The following SCP2 variants were observed in gnomAD, a reference collection of about 807,000 sequenced individuals.
SCP2 encodes sterol carrier protein 2.
A neutral mutation model predicts 71.4 loss-of-function variants in SCP2; 48 were observed. The observed-to-expected ratio is 0.67, with a 90% CI of 0.53 to 0.86. The LOEUF is 0.86. Ranked by LOEUF, SCP2 falls within the 40% of genes least tolerant of loss-of-function variation. The pLI is 0.00. For missense variants in SCP2, 560 were observed against 655.6 expected (o/e 0.85, Z 1.59); for synonymous variants, 220 against 218.1 (o/e 1.01, Z -0.08).
chr1:53,034,050 G>A (rs1662744751), intron 13 of SCP2, among the ~76,000 whole-genome samples: 1 of 152,132 alleles, frequency 6.6e-6, no homozygotes, highest in South Asian at 2.1e-4. Context: ...GATCACTCGA[G>A]GTCAGGAGTT....
intron 11 of SCP2, among the ~76,000 whole-genome samples, chr1:53,013,510 G>A (rs996526996): frequency 2.0e-5 from 3 of 151,378 alleles, no homozygotes; most frequent in Admixed American, 6.6e-5. Context: ...CAGGAGAATC[G>A]CTGGAACCTG....
At chr1:52,996,148 C>T (rs1358096440) in intron 11 of SCP2, 1 of 422,690 alleles carries the variant, frequency 2.4e-6, no homozygotes. Flanking sequence ...TAGAACAGTG[C>T]TTAGCACGTA....
At chr1:52,930,319 TA>T (rs35991712) in intron 1 of SCP2, among the ~76,000 whole-genome samples, 9,953 of 148,074 alleles carry the variant, frequency 0.067, 564 homozygotes, top group African/African-American at 0.16. Flanking sequence ...AAGTATATCT[TA>T]AAAAAAAAAA....
At chr1:52,983,172 C>T (rs899361419) in intron 10 of SCP2, among the ~76,000 whole-genome samples, 4 of 152,222 alleles carry the variant, frequency 2.6e-5, no homozygotes, top group South Asian at 2.1e-4. Context: ...GTCTTCTGAC[C>T]GCCATAGTTT....
intron 6 of SCP2, among the ~76,000 whole-genome samples, chr1:52,967,576 C>G (rs983682179): frequency 6.6e-6 from 1 of 152,124 alleles, no homozygotes; most frequent in Admixed American, 6.5e-5. Context: ...TATCTTGGCT[C>G]ACTGCAACCT....
chr1:53,026,641 T>A (rs1662150223), intron 12 of SCP2, among the ~76,000 whole-genome samples: 1 of 152,090 alleles, frequency 6.6e-6, no homozygotes, highest in Non-Finnish European at 1.5e-5. Flanking sequence ...GGCCCCTGTC[T>A]CTACAAAAAA....
intron 12 of SCP2, among the ~76,000 whole-genome samples, chr1:53,022,200 C>T (rs1040804341): frequency 1.3e-5 from 2 of 152,174 alleles, no homozygotes; most frequent in South Asian, 2.1e-4. Context: ...CTGTTATGGA[C>T]GTTGTATGTA....
intron 5 of SCP2, among the ~76,000 whole-genome samples, chr1:52,959,482 G>A (rs971922875): frequency 1.3e-5 from 2 of 151,884 alleles, no homozygotes; most frequent in East Asian, 1.9e-4. Context: ...ATGAGCCACC[G>A]CGCCCAGCCC....
intron 6 of SCP2, among the ~76,000 whole-genome samples, chr1:52,968,114 G>C (rs1657143694): frequency 6.6e-6 from 1 of 152,090 alleles, no homozygotes; most frequent in Non-Finnish European, 1.5e-5. Flanking sequence ...CTAATTTTTT[G>C]TATTTTTAGT....
intron 5 of SCP2, among the ~76,000 whole-genome samples, chr1:52,961,180 A>C (rs1421043930): frequency 6.7e-6 from 1 of 149,558 alleles, no homozygotes; most frequent in African/African-American, 2.5e-5. Context: ...TGCATCCATT[A>C]ACTTGTCATT....
At position 52,985,053 on chromosome 1, in the gene SCP2, G is replaced by A. The variant is rs369991616; in HGVS notation, c.974-2976G>A. ...AGACGGGATTTCACCATGTTGGTCA[G>A]GCTGGTCTCGAACTCCTGACCTCAG... On this transcript the variant is annotated intron_variant, in intron 10 of 15. Transcript: ENST00000371514. Among the ~76,000 whole-genome samples, 152 of 151,714 alleles carry A rather than the reference G, an allele frequency of 1.0e-3. 3 individuals are homozygous for A. In the South Asian group the frequency reaches 0.031, roughly 31 times the overall value.
chr1:52,954,144 A>G (rs1282525239), intron 4 of SCP2, among the ~76,000 whole-genome samples: 1 of 150,044 alleles, frequency 6.7e-6, no homozygotes, highest in Non-Finnish European at 1.5e-5. Flanking sequence ...AACTCTCTCT[A>G]CAAAAAATAA....
chr1:52,987,952 A>G, intron 10 of SCP2, 77 bp from the exon 11 acceptor site: 2 of 812,312 alleles, frequency 2.5e-6, no homozygotes, highest in African/African-American at 1.7e-5. Context: ...TCTTGGCTAT[A>G]TGGAAATCTT....
intron 11 of SCP2, 88 bp from the exon 12 acceptor site, chr1:53,014,802 A>G: frequency 6.7e-7 from 1 of 1,485,734 alleles, no homozygotes; most frequent in Non-Finnish European, 9.2e-7. Flanking sequence ...GGCTTAATCA[A>G]ATGCTTTAAT....
intron 10 of SCP2, among the ~76,000 whole-genome samples, chr1:52,985,531 C>T (rs891497796): frequency 1.1e-4 from 16 of 152,184 alleles, no homozygotes; most frequent in Admixed American, 9.8e-4. Flanking sequence ...AGTCTTATGG[C>T]TGGTCCCGTG....
intron 13 of SCP2, among the ~76,000 whole-genome samples, chr1:53,036,045 AC>A (rs1662925044): frequency 6.6e-6 from 1 of 150,392 alleles, no homozygotes; most frequent in South Asian, 2.1e-4. Flanking sequence ...AAAAAAGAAA[AC>A]TGAGATTCAG....
At position 53,027,911 on chromosome 1, in the gene SCP2, T is replaced by C; in HGVS notation, c.1236-58T>C. 3.2e-6 allele frequency: 3 copies of C among 931,164 alleles called. No individual in the cohort carries two copies. The East Asian group carries it at 7.3e-5, about 23-fold the overall frequency. 57.7% of individuals were successfully genotyped at this position (931,164 alleles called of 1,614,324 possible). A position where few individuals can be genotyped will look rare whatever the true frequency, so the allele number is the denominator to read the frequency against. On this transcript the variant is annotated intron_variant, in intron 12 of 15. Transcript: ENST00000371514. ...ATTTTGAAAATTACTATTTTATAAATGTTGAAAAACCTAGTACCTATGTGA... is the reference window on the plus strand; with the variant it reads ...ATTTTGAAAATTACTATTTTATAAACGTTGAAAAACCTAGTACCTATGTGA...
At chr1:52,995,835 T>C in intron 11 of SCP2, 8 of 1,090,678 alleles carry the variant, frequency 7.3e-6, no homozygotes, top group South Asian at 1.4e-5. Flanking sequence ...AGGTGCATCT[T>C]GGAGCAGTTC....
intron 11 of SCP2, chr1:52,995,402 C>T: frequency 2.2e-6 from 1 of 459,126 alleles, no homozygotes; most frequent in Non-Finnish European, 4.4e-6. Context: ...CACCTTGTCT[C>T]AGCCACCACA....
Sources: allele counts gnomAD v4.1 joint callset (sites outside exome capture counted in the v4.1 genomes callset), GRCh38; gene constraint gnomAD v4.1.1; transcripts MANE v1.5; gene names NCBI Gene and HGNC (gene_info 2026-07-23, HGNC 2026-07-21).